Variants in MAGI3 observed in about 807,000 individuals in gnomAD.
MAGI3 encodes the protein membrane associated guanylate kinase, WW and PDZ domain containing 3, also known as membrane-associated guanylate kinase, WW and PDZ domain-containing protein 3.
A neutral mutation model predicts 121.8 loss-of-function variants in MAGI3; 43 were observed. The ratio of observed to expected loss-of-function variants is 0.35; its 90% CI spans 0.28 to 0.46. The LOEUF is 0.46. Among genes scored for constraint, MAGI3 ranks in the 20% least tolerant of loss-of-function variants. The pLI is 1.00. For missense variants in MAGI3, 1,547 were observed against 1,797.3 expected (o/e 0.86, Z 2.52); for synonymous variants, 553 against 639.3 (o/e 0.86, Z 2.04).
At chr1:113,442,611 A>G (rs1487621822) in intron 1 of MAGI3, among the ~76,000 whole-genome samples, 1 of 151,790 alleles carries the variant, frequency 6.6e-6, no homozygotes, top group Non-Finnish European at 1.5e-5. Context: ...GGCATATTAT[A>G]TGTCATGTAT....
rs1473648847 is a variant in MAGI3, at chr1:113,685,868, TAGAG to T, written c.*1856_*1859del. 2 of 152,316 alleles carry T rather than the reference TAGAG, an allele frequency of 1.3e-5. No individual in the cohort carries two copies. Among genetic ancestry groups the T allele is most frequent in the Admixed American group, 6.5e-5 (1 of 15,282 alleles). 9.4% of individuals were successfully genotyped at this position (152,316 alleles called of 1,614,324 possible). On this transcript the variant is annotated 3_prime_UTR_variant, in exon 21 of 21. Coordinates refer to ENST00000307546, the MANE Select transcript of MAGI3 (RefSeq NM_001142782.2). ...TTATATATACACTTGAGGTTCTGAT[TAGAG>T]AAAGATCTGTAAATTGCTCATTATT...
intron 6 of MAGI3, among the ~76,000 whole-genome samples, chr1:113,611,605 TTTATC>T (rs1650140719): frequency 6.6e-6 from 1 of 152,188 alleles, no homozygotes; most frequent in Non-Finnish European, 1.5e-5. Context: ...TCTATTAGTG[TTTATC>T]TTATTTGTCT....
chr1:113,425,221 A>G (rs1400056381), intron 1 of MAGI3, among the ~76,000 whole-genome samples: 1 of 151,878 alleles, frequency 6.6e-6, no homozygotes, highest in Non-Finnish European at 1.5e-5. Context: ...ATCCAGTGAA[A>G]TAGGCTAGGC....
intron 2 of MAGI3, among the ~76,000 whole-genome samples, chr1:113,550,254 C>CA (rs200738964): frequency 0.22 from 30,023 of 136,818 alleles, 3,994 homozygotes; most frequent in East Asian, 0.56. Flanking sequence ...ACTAAAAATA[C>CA]AAAAAAAAAA....
chr1:113,436,761 C>T (rs867861360), intron 1 of MAGI3, among the ~76,000 whole-genome samples: 38 of 147,944 alleles, frequency 2.6e-4, no homozygotes, highest in Admixed American at 4.8e-4. Context: ...TGAAGTTACT[C>T]TTACAATTCT....
Position 113,506,326 on chromosome 1 carries a change from G to A in MAGI3, c.317-43189G>A, listed in dbSNP as rs114495345. On this transcript the variant is annotated intron_variant, in intron 1 of 20. Transcript: ENST00000307546. ...ACGTTTTAGGCTGTTTAAAAGCAAA[G>A]CAGATAAATTAAAAGGAGGTTAGTG... 5.6e-3 allele frequency among the ~76,000 whole-genome samples: 857 copies of A among 152,128 alleles called. 7 individuals are homozygous for A. Among genetic ancestry groups the A allele is most frequent in the African/African-American group, 0.018 (758 of 41,496 alleles).
intron 16 of MAGI3, among the ~76,000 whole-genome samples, chr1:113,666,786 A>C (rs1231598383): frequency 6.6e-6 from 1 of 152,212 alleles, no homozygotes; most frequent in Non-Finnish European, 1.5e-5. Context: ...CTTACCAAAT[A>C]TATTTCTTAA....
chr1:113,684,071 T>TC lies in MAGI3; in HGVS notation c.*59dup. ...TAATCTTTTCTTACAGCAGCATTTT[T>TC]CCAGAAAAAGCCTTTTTTTTTTTTT... On this transcript the variant is annotated 3_prime_UTR_variant, in exon 21 of 21. Coordinates refer to ENST00000307546, the MANE Select transcript of MAGI3 (RefSeq NM_001142782.2). 6.9e-7 allele frequency: 1 copy of TC among 1,439,694 alleles called. No individual in the cohort carries two copies. 89.2% of individuals were successfully genotyped at this position (1,439,694 alleles called of 1,614,324 possible).
rs1436426345 is a variant in MAGI3, at chr1:113,649,275, C to G, written c.2194C>G (p.Gln732Glu). ...TKDLDVFLRK[Q>E]ESGFGFRVLG... ...AGATTTGGATGTTTTTCTTCGAAAA[C>G]AAGAGTCAGGGTTTGGCTTCAGGGT... The change falls in exon 13 of 21, where the codon CAA becomes GAA. Residue 732 changes from glutamine to glutamate, a missense_variant. Physicochemically the swap from Gln to Glu is conservative, Grantham distance 29. Transcript: ENST00000307546. 1 of 1,613,378 alleles carries G rather than the reference C, an allele frequency of 6.2e-7. No homozygotes were observed. The highest frequency in any genetic ancestry group is 2.2e-5 in the East Asian group (1 of 44,836).
chr1:113,584,039 G>A (rs1021168891), intron 3 of MAGI3, among the ~76,000 whole-genome samples: 2 of 151,974 alleles, frequency 1.3e-5, no homozygotes, highest in African/African-American at 4.8e-5. Context: ...CAGCATTATG[G>A]GGAAGAACCT....
intron 1 of MAGI3, among the ~76,000 whole-genome samples, chr1:113,400,937 AT>A (rs1371264659): frequency 6.6e-6 from 1 of 152,166 alleles, no homozygotes. Flanking sequence ...TCTAATAGGA[AT>A]ATTGAGGACT....
At chr1:113,521,329 A>C (rs547665866) in intron 1 of MAGI3, among the ~76,000 whole-genome samples, 1 of 150,956 alleles carries the variant, frequency 6.6e-6, no homozygotes, top group South Asian at 2.1e-4. Context: ...CAAGTGATCC[A>C]CCTGGCTAGG....
intron 9 of MAGI3, among the ~76,000 whole-genome samples, chr1:113,641,048 TGATATATTATATATGA>T (rs1652462740): frequency 9.3e-6 from 1 of 107,808 alleles, no homozygotes; most frequent in African/African-American, 4.1e-5. Flanking sequence ...ATAATATATA[TGATATATTATATATGA>T]TATATATAAT....
intron 1 of MAGI3, chr1:113,449,882 T>C (rs1325199203): frequency 1.4e-5 from 22 of 1,522,034 alleles, no homozygotes; most frequent in Non-Finnish European, 1.9e-5. Context: ...TTGTGACTTA[T>C]TCTTGTGTTG....
At chr1:113,633,300 C>G (rs1285047197) in intron 9 of MAGI3, among the ~76,000 whole-genome samples, 2 of 104,992 alleles carry the variant, frequency 1.9e-5, no homozygotes, top group South Asian at 7.5e-4. Context: ...CTCGCTCTGT[C>G]GCCCAGGCTG....
chr1:113,446,198 A>G (rs1455269946), intron 1 of MAGI3, among the ~76,000 whole-genome samples: 8 of 152,198 alleles, frequency 5.3e-5, no homozygotes, highest in Non-Finnish European at 1.2e-4. Context: ...GTTTTTGGCC[A>G]CACAGTGTCT....
chr1:113,630,777 A>G (rs1046530223), intron 9 of MAGI3, among the ~76,000 whole-genome samples: 6 of 151,988 alleles, frequency 3.9e-5, no homozygotes, highest in African/African-American at 1.5e-4. Flanking sequence ...TCTCCATACC[A>G]GGTGGCTGCT....
intron 1 of MAGI3, among the ~76,000 whole-genome samples, chr1:113,409,565 C>A (rs1470149776): frequency 6.6e-6 from 1 of 151,938 alleles, no homozygotes; most frequent in Non-Finnish European, 1.5e-5. Context: ...ATCACCTGGG[C>A]CCAGGAGGTC....
chr1:113,450,442 T>G, intron 1 of MAGI3: 1 of 1,124,164 alleles, frequency 8.9e-7, no homozygotes, highest in Non-Finnish European at 1.3e-6. Flanking sequence ...GTCCTGGTTA[T>G]AGTAGTAGAG....
Sources: gnomAD v4.1 joint callset for allele counts (sites outside exome capture counted in the v4.1 genomes callset) on GRCh38, gnomAD v4.1.1 for gene constraint, MANE v1.5 for transcripts, NCBI Gene and HGNC (gene_info 2026-07-23, HGNC 2026-07-21) for gene names.